The following PDE3A variants were observed in gnomAD, a reference collection of about 807,000 sequenced individuals.
The protein encoded by PDE3A is phosphodiesterase 3A, also known as cGMP-inhibited 3',5'-cyclic phosphodiesterase 3A.
A neutral mutation model predicts 98.3 loss-of-function variants in PDE3A; 43 were observed. The ratio of observed to expected loss-of-function variants is 0.44; its 90% CI spans 0.34 to 0.56. PDE3A has a LOEUF of 0.56. Ranked by LOEUF, PDE3A falls within the 20% of genes least tolerant of loss-of-function variation. The pLI is 0.01. For synonymous variants in PDE3A, 663 were observed against 567.9 expected, an observed-to-expected ratio of 1.17 and a Z score of -2.38; for missense variants, 1,427 against 1,440.7, an observed-to-expected ratio of 0.99 and a Z score of 0.15.
At position 20,369,761 on chromosome 12, in the gene PDE3A, G is replaced by A; in HGVS notation, c.477G>A (p.Leu159=). The A allele has an allele frequency of 6.2e-7, 1 of 1,612,644 alleles. No homozygotes were observed. The highest frequency in any genetic ancestry group is 1.3e-5 in the African/African-American group (1 of 75,040). The change falls in exon 1 of 16, where the codon CTG becomes CTA. Residue 159 remains leucine, a synonymous_variant. Coordinates refer to ENST00000359062, the MANE Select transcript of PDE3A (RefSeq NM_000921.5). The part of the protein sequence containing the change: ...YLLRAGVRLP[L]AVALLAACCG... ...TGCGCGCCGGGGTGCGCCTGCCTCT[G>A]GCTGTCGCGCTGCTGGCCGCCTGCT...
At position 20,616,313 on chromosome 12, in the gene PDE3A, C is replaced by T. The variant is rs769442819; in HGVS notation, c.1353C>T (p.Pro451=). The T allele has an allele frequency of 5.0e-6, 8 of 1,613,924 alleles. No individual in the cohort carries two copies. The East Asian group carries it at 1.8e-4, about 36-fold the overall frequency. Residue 451 remains proline, a synonymous_variant, in exon 4 of 16, where the codon CCC becomes CCT. Coordinates refer to ENST00000359062, the MANE Select transcript of PDE3A (RefSeq NM_000921.5). ...CCACCACCTCGGCCACAGGTCTACC[C>T]ACCTTGGAGCCTGCACCAGTACGGA... ...WTTTTSATGL[P]TLEPAPVRRD...
chr12:20,677,143 T>G (rs1945661433), intron 15 of PDE3A, among the ~76,000 whole-genome samples: 1 of 152,174 alleles, frequency 6.6e-6, no homozygotes, highest in African/African-American at 2.4e-5. Context: ...TTTGAATGTA[T>G]TTTGTATTTC....
chr12:20,647,394 G>A (rs1292418993), intron 12 of PDE3A, among the ~76,000 whole-genome samples: 1 of 150,004 alleles, frequency 6.7e-6, no homozygotes, highest in Non-Finnish European at 1.5e-5. Context: ...AGGTTGGTAG[G>A]ATTTTAATAT....
intron 1 of PDE3A, among the ~76,000 whole-genome samples, chr12:20,425,744 A>G (rs1334812040): frequency 1.3e-5 from 2 of 152,194 alleles, no homozygotes; most frequent in Non-Finnish European, 2.9e-5. Context: ...TGATGATATT[A>G]TATTACTTTC....
intron 1 of PDE3A, among the ~76,000 whole-genome samples, chr12:20,518,823 C>T (rs1946369172): frequency 6.6e-6 from 1 of 152,116 alleles, no homozygotes. Flanking sequence ...TTAGATAGGA[C>T]TTTCTGTACT....
Position 20,650,555 on chromosome 12 carries a change from C to T in PDE3A, c.2880C>T (p.Leu960=), listed in dbSNP as rs753394244. The part of the protein sequence containing the change: ...DINGPAKCKE[L]HLQWTDGIVN... Reference sequence around the variant, plus strand: ...ATGGTCCAGCTAAATGTAAAGAACTCCATCTTCAGTGGACAGATGGTATTG... The same window carrying T: ...ATGGTCCAGCTAAATGTAAAGAACTTCATCTTCAGTGGACAGATGGTATTG... Residue 960 remains leucine, a synonymous_variant, in exon 14 of 16, where the codon CTC becomes CTT. Transcript: ENST00000359062. The T allele has an allele frequency of 7.4e-6, 12 of 1,611,754 alleles. No homozygotes were observed. Among genetic ancestry groups the T allele is most frequent in the Non-Finnish European group, 9.3e-6 (11 of 1,178,172 alleles).
At position 20,680,218 on chromosome 12, in the gene PDE3A, G is replaced by A. The variant is rs764097682; in HGVS notation, c.3373G>A (p.Glu1125Lys). 1 of 1,613,918 alleles carries A rather than the reference G, an allele frequency of 6.2e-7. No homozygotes were observed. The highest frequency in any genetic ancestry group is 8.5e-7 in the Non-Finnish European group (1 of 1,179,888). The stretch of plus-strand genomic sequence containing the variant: ...CCAGGCTATCAAGGAAGAAGAAGAA[G>A]AGAAAGGGAAACCAAGAGGCGAGGA... ...QIQAIKEEEE[E>K]KGKPRGEEIP... Residue 1125 changes from glutamate to lysine, a missense_variant, in exon 16 of 16, where the codon GAG (glutamate) becomes AAG (lysine). This residue lies in a region of PDE3A where 142 missense variants were observed against 133.9 expected (regional missense o/e 1.06). Coordinates refer to ENST00000359062, the MANE Select transcript of PDE3A (RefSeq NM_000921.5).
At chr12:20,417,163 T>C (rs1333308190) in intron 1 of PDE3A, among the ~76,000 whole-genome samples, 2 of 152,196 alleles carry the variant, frequency 1.3e-5, no homozygotes, top group Non-Finnish European at 2.9e-5. Context: ...CTGTACTTGA[T>C]ACATCATTAG....
chr12:20,659,221 A>G (rs1204196046), intron 15 of PDE3A, among the ~76,000 whole-genome samples: 1 of 152,140 alleles, frequency 6.6e-6, no homozygotes, highest in Non-Finnish European at 1.5e-5. Context: ...TCAATTTAAT[A>G]ATTGTCATTC....
chr12:20,453,301 G>C (rs1380098014), intron 1 of PDE3A, among the ~76,000 whole-genome samples: 1 of 151,032 alleles, frequency 6.6e-6, no homozygotes, highest in Non-Finnish European at 1.5e-5. Context: ...AGCCTCCCGA[G>C]TAGCTGGGAT....
intron 9 of PDE3A, among the ~76,000 whole-genome samples, chr12:20,638,269 G>A (rs575340920): frequency 6.6e-6 from 1 of 152,302 alleles, no homozygotes; most frequent in South Asian, 2.1e-4. Flanking sequence ...GGAAAAGATA[G>A]CAGGCCTTTC....
chr12:20,682,564 T>G lies in PDE3A; in HGVS notation c.*2293T>G, dbSNP rs946244026. 5.3e-5 allele frequency: 8 copies of G among 152,184 alleles called. No individual in the cohort carries two copies. The highest frequency in any genetic ancestry group is 2.0e-4 in the Admixed American group (3 of 15,276). The allele number at this position is 152,184 out of a possible 1,614,324, so 9.4% of individuals were successfully genotyped here. A position where few individuals can be genotyped will look rare whatever the true frequency, so the allele number is the denominator to read the frequency against. On this transcript the variant is annotated 3_prime_UTR_variant, in exon 16 of 16. Transcript: ENST00000359062. ...CTCTACCTAAATAATTAAAATATATTTCAGTATATTTCTGAATTAACACCA... is the reference window on the plus strand; with the variant it reads ...CTCTACCTAAATAATTAAAATATATGTCAGTATATTTCTGAATTAACACCA...
chr12:20,562,729 A>G (rs1942560061), intron 2 of PDE3A, among the ~76,000 whole-genome samples: 1 of 152,102 alleles, frequency 6.6e-6, no homozygotes, highest in African/African-American at 2.4e-5. Flanking sequence ...TATTTAGTAT[A>G]TTATTGGTAT....
At chr12:20,379,876 A>C (rs536337313) in intron 1 of PDE3A, among the ~76,000 whole-genome samples, 1 of 151,802 alleles carries the variant, frequency 6.6e-6, no homozygotes, top group African/African-American at 2.4e-5. Context: ...CATGTTCAGC[A>C]TGAGTCCTAG....
rs1942243669 is a variant in PDE3A, at chr12:20,552,599, G to T, written c.961-4061G>T. The stretch of plus-strand genomic sequence containing the variant: ...CGGAAGTCGGCAGGAGGTGGCCCGA[G>T]CAGGGCCGGGTCCCCGCGCCGGACA... On this transcript the variant is annotated intron_variant, in intron 1 of 15. Transcript: ENST00000359062. This position sits in a 1 kb window ranked among gnomAD's most constrained non-coding sequence, Gnocchi z 5.1. The T allele has an allele frequency of 1.9e-6, 3 of 1,613,804 alleles. No homozygotes were observed. Among genetic ancestry groups the T allele is most frequent in the Admixed American group, 1.7e-5 (1 of 59,996 alleles).
chr12:20,633,157 G>C (rs1944420738), intron 6 of PDE3A, among the ~76,000 whole-genome samples: 1 of 151,998 alleles, frequency 6.6e-6, no homozygotes, highest in Admixed American at 6.6e-5. Flanking sequence ...CACCATGTTG[G>C]CCAGGCTGGT....
chr12:20,564,463 A>T (rs188249917), intron 2 of PDE3A, among the ~76,000 whole-genome samples: 27 of 152,272 alleles, frequency 1.8e-4, no homozygotes, highest in Middle Eastern at 6.8e-3. Flanking sequence ...TTTAAAGAAC[A>T]TATTCATTTC....
At chr12:20,441,514 A>G (rs1232389731) in intron 1 of PDE3A, among the ~76,000 whole-genome samples, 1 of 152,230 alleles carries the variant, frequency 6.6e-6, no homozygotes, top group Admixed American at 6.5e-5. Flanking sequence ...AGCATTTTAC[A>G]TAAATTATTT....
chr12:20,666,362 G>A (rs543369037), intron 15 of PDE3A, among the ~76,000 whole-genome samples: 17 of 152,138 alleles, frequency 1.1e-4, no homozygotes, highest in African/African-American at 2.9e-4. Flanking sequence ...CTCTGCTATC[G>A]AAGAACTTAT....
Sources: gnomAD v4.1 joint callset for allele counts (sites outside exome capture counted in the v4.1 genomes callset) on GRCh38, gnomAD v4.1.1 for gene constraint, gnomAD v4.1.1 regional missense constraint, Gnocchi (gnomAD v3.1) non-coding constraint, MANE v1.5 for transcripts, NCBI Gene and HGNC (gene_info 2026-07-23, HGNC 2026-07-21) for gene names.